Variants in GIGYF1 observed in about 807,000 individuals in gnomAD.
GIGYF1 encodes GRB10-interacting GYF protein 1.
GIGYF1 carries 84 observed loss-of-function variants against 147.1 expected under a neutral mutation model. That is an observed-to-expected ratio of 0.57 (90% CI 0.48 to 0.68). The LOEUF (loss-of-function observed/expected upper bound fraction) is 0.68, where lower values mean the gene tolerates loss of function less well. Ranked by LOEUF, GIGYF1 falls within the 30% of genes least tolerant of loss-of-function variation. GIGYF1 has a pLI of 0.00. For synonymous variants in GIGYF1, 752 were observed against 589.5 expected, an observed-to-expected ratio of 1.28 and a Z score of -3.99; for missense variants, 1,485 against 1,393.7, an observed-to-expected ratio of 1.07 and a Z score of -1.04.
rs1024484117 is a variant in GIGYF1 at position 100,680,847 on chromosome 7, T to A, written c.*872A>T. On this transcript the variant is annotated 3_prime_UTR_variant, in exon 27 of 27. Coordinates refer to ENST00000678049, the MANE Select transcript of GIGYF1 (RefSeq NM_001375765.1). ...TTGTGGCCCAAAGAATACATTCACG[T>A]GGCAAGGCAGAGAGCTGGGGCTTTC... 41 of 152,686 alleles carry A rather than the reference T, an allele frequency of 2.7e-4. No individual in the cohort carries two copies. The highest frequency in any genetic ancestry group is 3.4e-4 in the Non-Finnish European group (23 of 68,088). The allele number at this position is 152,686 out of a possible 1,614,324, so 9.5% of individuals were successfully genotyped here. A position where few individuals can be genotyped will look rare whatever the true frequency, so the allele number is the denominator to read the frequency against.
At chr7:100,685,176 A>C in intron 13 of GIGYF1, 30 bp from the exon 14 acceptor site, 1 of 1,546,036 alleles carries the variant, frequency 6.5e-7, no homozygotes, top group African/African-American at 1.4e-5. Context: ...AGGTGGAAAG[A>C]AGGGCGGGGA....
Position 100,684,100 on chromosome 7 carries a change from CGGT to C in GIGYF1, c.1785_1787del (p.Pro602del). On this transcript the variant is annotated inframe_deletion, in exon 18 of 27. Coordinates refer to ENST00000678049, the MANE Select transcript of GIGYF1 (RefSeq NM_001375765.1). ...GCTGCTGTGGCGGCGGCGGTGGTGG[CGGT>C]GTCAGGTCCCCCAGAGCTGCCTTTT... is the stretch of plus-strand genomic sequence containing the variant. 1 of 1,607,028 alleles carries C rather than the reference CGGT, an allele frequency of 6.2e-7. No homozygotes were observed. Among genetic ancestry groups the C allele is most frequent in the Non-Finnish European group, 8.5e-7 (1 of 1,179,624 alleles).
chr7:100,681,575 G>A lies in GIGYF1; in HGVS notation c.*144C>T, dbSNP rs1376248566. ...TGCCTCGTGGTGGGTGAGTTAAGGT[G>A]CATCGTGTGTTTGTAACAAGTGCTG... On this transcript the variant is annotated 3_prime_UTR_variant, in exon 27 of 27. Coordinates refer to ENST00000678049, the MANE Select transcript of GIGYF1 (RefSeq NM_001375765.1). The A allele has an allele frequency of 5.2e-6, 3 of 581,698 alleles. No homozygotes were observed. The highest frequency in any genetic ancestry group is 5.7e-6 in the Non-Finnish European group (2 of 353,018). The allele number at this position is 581,698 out of a possible 1,614,324, so 36.0% of individuals were successfully genotyped here.
intron 23 of GIGYF1, 52 bp downstream of exon 23, chr7:100,682,538 C>A: frequency 6.3e-7 from 1 of 1,596,334 alleles, no homozygotes; most frequent in South Asian, 1.1e-5. Flanking sequence ...TTGGGGGGGT[C>A]TGCCACCTTC....
rs779520288 is a variant in GIGYF1 at position 100,687,319 on chromosome 7, C to T, written c.461G>A (p.Arg154His). 3.7e-6 allele frequency: 6 copies of T among 1,612,898 alleles called. No homozygotes were observed. Among genetic ancestry groups the T allele is most frequent in the South Asian group, 2.2e-5 (2 of 91,066 alleles). The change falls in exon 8 of 27, where the codon CGC becomes CAC. Residue 154 changes from arginine to histidine, a missense_variant. By Grantham distance (29) the Arg-to-His change is conservative. Coordinates refer to ENST00000678049, the MANE Select transcript of GIGYF1 (RefSeq NM_001375765.1). ...AFGRSPREIQ[R>H]SQSWDDRGER... ...CCACCTGTCATCCCAGCTCTGGCTG[C>T]GCTGGATTTCCCGGGGGCTTCGTCC...
rs1804913336 is a variant in GIGYF1 at position 100,682,788 on chromosome 7, CAGA to C, written c.2413-14_2413-12del. On this transcript the variant is annotated splice_polypyrimidine_tract_variant and intron_variant, in intron 22 of 26. Coordinates refer to ENST00000678049, the MANE Select transcript of GIGYF1 (RefSeq NM_001375765.1). ...CAGGCCCCCAAGCTGCTACAGATGG[CAGA>C]AGATCAGAGTGGCTCAAACAAAGGC... is the stretch of plus-strand genomic sequence containing the variant. The C allele has an allele frequency of 4.0e-6, 6 of 1,518,234 alleles. No homozygotes were observed. In the South Asian group the frequency reaches 4.0e-5, roughly 10 times the overall value. 94.0% of individuals were successfully genotyped at this position (1,518,234 alleles called of 1,614,324 possible).
chr7:100,690,190 A>G (rs1474264075), intron 1 of GIGYF1, among the ~76,000 whole-genome samples: 2 of 152,226 alleles, frequency 1.3e-5, no homozygotes, highest in African/African-American at 2.4e-5. Flanking sequence ...ATCTGGAGAT[A>G]ACCACCGCAT....
rs1289641743 is a variant in GIGYF1, at chr7:100,683,540, G to A, written c.2052+10C>T. ...ATTCCCAGGGCCTCAGCCCCAGGATGCCCACTCACTTTATGTTGCAGCTGG... is the reference window on the plus strand; with the variant it reads ...ATTCCCAGGGCCTCAGCCCCAGGATACCCACTCACTTTATGTTGCAGCTGG... On this transcript the variant is annotated intron_variant, in intron 20 of 26. Transcript: ENST00000678049. 2 of 1,613,842 alleles carry A rather than the reference G, an allele frequency of 1.2e-6. No individual in the cohort carries two copies. Among genetic ancestry groups the A allele is most frequent in the East Asian group, 2.2e-5 (1 of 44,888 alleles).
Position 100,681,736 on chromosome 7 carries a change from T to G in GIGYF1, c.3091A>C (p.Ser1031Arg), listed in dbSNP as rs543856808. The stretch of plus-strand genomic sequence containing the variant: ...CGGGCTGGTCAGTAGTCATCCACGC[T>G]CTCGATCTCACCAGAAGATCCGTGC... ...SLHGSSGEIE[S>R]VDDY The change falls in exon 27 of 27, where the codon AGC (serine) becomes CGC (arginine). Residue 1031 changes from serine to arginine, a missense_variant. Coordinates refer to ENST00000678049, the MANE Select transcript of GIGYF1 (RefSeq NM_001375765.1). 1.3e-6 allele frequency: 2 copies of G among 1,577,022 alleles called. No individual in the cohort carries two copies. The highest frequency in any genetic ancestry group is 2.7e-5 in the African/African-American group (2 of 74,276).
intron 9 of GIGYF1, 84 bp from the exon 10 acceptor site, chr7:100,686,903 AG>A (rs1395177095): frequency 3.2e-5 from 51 of 1,597,666 alleles, no homozygotes; most frequent in Non-Finnish European, 4.2e-5. Flanking sequence ...GGCCAGCTCC[AG>A]GCCCTCCTGC....
At chr7:100,686,975 G>A (rs1335029182) in intron 9 of GIGYF1, 31 bp downstream of exon 9, 9 of 1,612,740 alleles carry the variant, frequency 5.6e-6, no homozygotes, top group Admixed American at 3.3e-5. Context: ...CCTCCCTGCC[G>A]CCCCGGCCGC....
At chr7:100,690,070 T>A (rs539284171) in intron 1 of GIGYF1, among the ~76,000 whole-genome samples, 1 of 152,306 alleles carries the variant, frequency 6.6e-6, no homozygotes, top group Non-Finnish European at 1.5e-5. Context: ...AATGTGAGTG[T>A]ACTTAGTAAC....
chr7:100,684,331 T>C lies in GIGYF1; in HGVS notation c.1636A>G (p.Met546Val), dbSNP rs746104166. The C allele has an allele frequency of 1.3e-6, 2 of 1,596,766 alleles. No individual in the cohort carries two copies. The highest frequency in any genetic ancestry group is 1.3e-5 in the African/African-American group (1 of 74,520). Residue 546 changes from methionine (M) to valine (V), a missense_variant, in exon 17 of 27, where the codon ATG (methionine) becomes GTG (valine). Coordinates refer to ENST00000678049, the MANE Select transcript of GIGYF1 (RefSeq NM_001375765.1). ...GPSPPPLLGN[M>V]DQERLKKQQE... Reference sequence around the variant, plus strand: ...TGCTTCTTCAGCCGCTCCTGGTCCATGTTTCCCTGCTCAGGTGAGAGCTCG... The same window carrying C: ...TGCTTCTTCAGCCGCTCCTGGTCCACGTTTCCCTGCTCAGGTGAGAGCTCG...
At chr7:100,685,319 GAGGT>G in intron 13 of GIGYF1, 21 bp downstream of exon 13, 2 of 1,574,284 alleles carry the variant, frequency 1.3e-6, no homozygotes, top group Non-Finnish European at 1.7e-6. Flanking sequence ...GCGCACCCGG[GAGGT>G]AGGCCATCCT....
In GIGYF1 at chr7:100,682,061, G is replaced by A. The variant is rs371267595; in HGVS notation, c.2925+11C>T. 9.7e-5 allele frequency: 156 copies of A among 1,612,112 alleles called. No individual in the cohort carries two copies. The African/African-American group carries it at 1.4e-3, about 14-fold the overall frequency. On this transcript the variant is annotated intron_variant, in intron 25 of 26. Coordinates refer to ENST00000678049, the MANE Select transcript of GIGYF1 (RefSeq NM_001375765.1). ...CAAGCCCACCCCAGCTGCTGGTGCC[G>A]GCTGCCTCACCTGCTGCTGCTGCCG...
In GIGYF1 at chr7:100,683,551, T is replaced by C; in HGVS notation, c.2051A>G (p.Lys684Arg). Residue 684 changes from lysine (K) to arginine (R), a missense_variant and splice_region_variant, in exon 20 of 27, where the codon AAA becomes AGA. By Grantham distance (26) the Lys-to-Arg change is conservative (BLOSUM62 2). Transcript: ENST00000678049. ...CTCAGCCCCAGGATGCCCACTCACT[T>C]TATGTTGCAGCTGGAGTTGTTCTAG... ...PILEQLQLQH[K>R]FQERREVELR... 6.2e-7 allele frequency: 1 copy of C among 1,613,930 alleles called. No individual in the cohort carries two copies. The highest frequency in any genetic ancestry group is 1.1e-5 in the South Asian group (1 of 91,078).
chr7:100,682,665 T>A lies in GIGYF1; in HGVS notation c.2525A>T (p.Glu842Val). Residue 842 changes from glutamate (E) to valine (V), a missense_variant, in exon 23 of 27, where the codon GAG becomes GTG. Transcript: ENST00000678049. ...GCTCCCGCCGCTCTTGGGGGTGTCCTCCCAGAGCCCCAGGCCGCTGCTGCC... is the reference window on the plus strand; with the variant it reads ...GCTCCCGCCGCTCTTGGGGGTGTCCACCCAGAGCCCCAGGCCGCTGCTGCC... ...GGGSSGLGLWEDTPKSGGSLV... is the reference protein window; with the variant it reads ...GGGSSGLGLWVDTPKSGGSLV... 1 of 1,603,586 alleles carries A rather than the reference T, an allele frequency of 6.2e-7. No homozygotes were observed. Among genetic ancestry groups the A allele is most frequent in the Non-Finnish European group, 8.5e-7 (1 of 1,176,434 alleles).
Position 100,685,396 on chromosome 7 carries a change from C to T in GIGYF1, c.1140G>A (p.Gly380=), listed in dbSNP as rs543156964. ...CAGTTTCGTCCCCATCCCCGTTTGT[C>T]CCCCAGAGTGGGCCCAGGGTGGGCA... ...SPLPTLGPLW[G]TNGDGDETAE... Residue 380 remains glycine (G), a synonymous_variant, in exon 13 of 27, where the codon GGG becomes GGA. Coordinates refer to ENST00000678049, the MANE Select transcript of GIGYF1 (RefSeq NM_001375765.1). The T allele has an allele frequency of 2.5e-6, 4 of 1,592,154 alleles. No individual in the cohort carries two copies. Among genetic ancestry groups the T allele is most frequent in the Non-Finnish European group, 2.6e-6 (3 of 1,174,796 alleles).
chr7:100,685,574 C>T lies in GIGYF1; in HGVS notation c.1055-93G>A, dbSNP rs769667051. The T allele has an allele frequency of 2.2e-4, 318 of 1,417,266 alleles. 1 individual carries two copies. The highest frequency in any genetic ancestry group is 3.0e-4 in the Non-Finnish European group (307 of 1,039,108). 87.8% of individuals were successfully genotyped at this position (1,417,266 alleles called of 1,614,324 possible). A position where few individuals can be genotyped will look rare whatever the true frequency, so the allele number is the denominator to read the frequency against. On this transcript the variant is annotated intron_variant, in intron 12 of 26. Transcript: ENST00000678049. ...CTTGAGTGTGGCTGGAACCGCGGGT[C>T]ACACTCCCTTAGGCCGAGTCCACCA...
Sources: allele counts gnomAD v4.1 joint callset (sites outside exome capture counted in the v4.1 genomes callset), GRCh38; gene constraint gnomAD v4.1.1; transcripts MANE v1.5; gene names NCBI Gene and HGNC (gene_info 2026-07-23, HGNC 2026-07-21).